The following LMO2 variants were observed in gnomAD, a reference collection of about 807,000 sequenced individuals.
LMO2 encodes LIM domain only 2.
A neutral mutation model predicts 23.2 loss-of-function variants in LMO2; 20 were observed. That is an observed-to-expected ratio of 0.86 (90% CI 0.61 to 1.25). The LOEUF (loss-of-function observed/expected upper bound fraction) is 1.25, where lower values mean the gene tolerates loss of function less well. Among genes scored for constraint, LMO2 ranks in the 50% most tolerant of loss-of-function variants. The pLI is 0.00. For missense variants in LMO2, 270 were observed against 315.3 expected, an observed-to-expected ratio of 0.86 and a Z score of 1.09; for synonymous variants, 123 against 130.2, an observed-to-expected ratio of 0.94 and a Z score of 0.38.
chr11:33,885,396 G>T (rs1857381754), intron 1 of LMO2, among the ~76,000 whole-genome samples: 1 of 152,228 alleles, frequency 6.6e-6, no homozygotes, highest in African/African-American at 2.4e-5. Context: ...CATAGGACAG[G>T]GCAAGACCTA....
intron 3 of LMO2, 58 bp from the exon 4 acceptor site, chr11:33,869,644 G>A: frequency 3.2e-6 from 4 of 1,257,730 alleles, no homozygotes; most frequent in Non-Finnish European, 4.0e-6. Flanking sequence ...CGCGGCCGAG[G>A]CGGGGGCCGG....
intron 2 of LMO2, chr11:33,871,182 T>G (rs1367474023): frequency 3.3e-6 from 1 of 306,012 alleles, no homozygotes; most frequent in East Asian, 1.7e-4. Context: ...CTTGGGTCCC[T>G]AATGGGTATA....
At chr11:33,869,035 G>A (rs534976168) in intron 4 of LMO2, among the ~76,000 whole-genome samples, 1 of 152,248 alleles carries the variant, frequency 6.6e-6, no homozygotes, top group Non-Finnish European at 1.5e-5. Flanking sequence ...GCGCCTCCAG[G>A]CTCTCCTCGT....
chr11:33,886,067 G>A (rs1300445003), intron 1 of LMO2, among the ~76,000 whole-genome samples: 11 of 152,022 alleles, frequency 7.2e-5, no homozygotes, highest in African/African-American at 2.7e-4. Context: ...TAGTAGAGAC[G>A]GGGTTTCACC....
rs146991152 is a variant in LMO2, at chr11:33,868,143, A to T, written c.248+1203T>A. Among the ~76,000 whole-genome samples the T allele has an allele frequency of 3.6e-3, 552 of 152,318 alleles. 3 individuals carry two copies. Among genetic ancestry groups the T allele is most frequent in the African/African-American group, 0.012 (514 of 41,564 alleles). On this transcript the variant is annotated intron_variant, in intron 4 of 5. Coordinates refer to ENST00000257818, the MANE Select transcript of LMO2 (RefSeq NM_005574.4). Reference sequence around the variant, plus strand: ...ACTGAATAGTGATGTTTATATTCTCATTGGATGGTGGTACTTCCTGTGTTT... The same window carrying T: ...ACTGAATAGTGATGTTTATATTCTCTTTGGATGGTGGTACTTCCTGTGTTT...
intron 4 of LMO2, chr11:33,865,298 A>G (rs1856742817): frequency 4.9e-6 from 1 of 202,720 alleles, no homozygotes. Context: ...GAGTGCTAAG[A>G]ATCTGCAAAT....
intron 4 of LMO2, 29 bp downstream of exon 4, chr11:33,869,317 G>A (rs1435848670): frequency 7.6e-5 from 89 of 1,166,876 alleles, no homozygotes; most frequent in Non-Finnish European, 9.4e-5. Flanking sequence ...GGACACCGGG[G>A]GTGGCAGGGG....
chr11:33,861,787 T>C (rs1336518029), intron 5 of LMO2, among the ~76,000 whole-genome samples: 3 of 152,242 alleles, frequency 2.0e-5, no homozygotes, highest in Middle Eastern at 3.4e-3. Flanking sequence ...ATCAGGCAGC[T>C]ATGAAGGGAA....
intron 2 of LMO2, chr11:33,881,586 A>G (rs1857285308): frequency 8.4e-6 from 3 of 359,244 alleles, no homozygotes; most frequent in South Asian, 4.2e-5. Context: ...CTAAAAAATT[A>G]TTATACACAC....
chr11:33,890,006 A>C (rs1436910504), intron 1 of LMO2, among the ~76,000 whole-genome samples: 1 of 152,234 alleles, frequency 6.6e-6, no homozygotes, highest in Non-Finnish European at 1.5e-5. Flanking sequence ...CATGGGTAGA[A>C]CTGGAAGCTG....
rs1565019810 is a variant in LMO2 at position 33,859,535 on chromosome 11, G to A, written c.505C>T (p.Arg169Trp). The A allele has an allele frequency of 6.8e-6, 11 of 1,614,012 alleles. No homozygotes were observed. The highest frequency in any genetic ancestry group is 1.7e-5 in the Admixed American group (1 of 60,006). ...ATTGTCATCTCATAGGCACGAATCC[G>A]CTTGTCACAGGATGCGCAGAGACCG... is the stretch of plus-strand genomic sequence containing the variant. ...QDGLCASCDK[R>W]IRAYEMTMRV... The change falls in exon 6 of 6, where the codon CGG becomes TGG. Residue 169 changes from arginine to tryptophan, a missense_variant. Physicochemically the swap from Arg to Trp is moderately radical, Grantham distance 101. This residue lies in a region of LMO2 where 100 missense variants were observed against 153.3 expected (regional missense o/e 0.65). Transcript: ENST00000257818.
At chr11:33,883,237 T>A (rs1857328864) in intron 1 of LMO2, among the ~76,000 whole-genome samples, 1 of 152,242 alleles carries the variant, frequency 6.6e-6, no homozygotes, top group African/African-American at 2.4e-5. Context: ...ATTTATTAGA[T>A]AAGTTAGTAG....
rs528043945 is a variant in LMO2 at position 33,864,056 on chromosome 11, C to T, written c.464+546G>A. On this transcript the variant is annotated intron_variant, in intron 5 of 5. Transcript: ENST00000257818. The surrounding 1 kb of genome is among the most constrained non-coding windows in gnomAD (Gnocchi z 4.8). ...TGGGACTCAAACCTCCAACTGCCTA[C>T]AGGGCCTTTGCCTTTCTGCTCTTCG... is the stretch of plus-strand genomic sequence containing the variant. Among the ~76,000 whole-genome samples, 1 of 152,226 alleles carries T rather than the reference C, an allele frequency of 6.6e-6. No individual in the cohort carries two copies. Among genetic ancestry groups the T allele is most frequent in the Non-Finnish European group, 1.5e-5 (1 of 68,030 alleles).
At chr11:33,886,212 T>C (rs1857403407) in intron 1 of LMO2, among the ~76,000 whole-genome samples, 1 of 152,124 alleles carries the variant, frequency 6.6e-6, no homozygotes, top group Non-Finnish European at 1.5e-5. Flanking sequence ...CATGGAGATA[T>C]AGGCTGACAT....
intron 4 of LMO2, among the ~76,000 whole-genome samples, chr11:33,865,726 G>T (rs1056021646): frequency 2.6e-5 from 4 of 152,210 alleles, no homozygotes; most frequent in African/African-American, 9.6e-5. Context: ...GCTGTGACAC[G>T]TGTTCTTTCG....
intron 2 of LMO2, among the ~76,000 whole-genome samples, chr11:33,872,535 T>C (rs1857049781): frequency 6.6e-6 from 1 of 152,226 alleles, no homozygotes; most frequent in Non-Finnish European, 1.5e-5. Context: ...ATCATTAAGA[T>C]AATTTTAAAA....
chr11:33,884,906 G>C (rs1055579876), intron 1 of LMO2, among the ~76,000 whole-genome samples: 3 of 152,184 alleles, frequency 2.0e-5, no homozygotes, highest in Non-Finnish European at 2.9e-5. Flanking sequence ...CAGTGCTGCT[G>C]TTTTTTGTGT....
chr11:33,884,520 A>ACTC lies in LMO2; in HGVS notation c.-335-2636_-335-2634dup, dbSNP rs539469757. 2.2e-4 allele frequency among the ~76,000 whole-genome samples: 33 copies of ACTC among 152,174 alleles called. No individual in the cohort carries two copies. In the South Asian group the frequency reaches 6.8e-3, roughly 32 times the overall value. ...ACTCAACTCAATTTCTTCAAAATTC[A>ACTC]CTCCCTAACATTTGGTTCACCATCC... is the stretch of plus-strand genomic sequence containing the variant. On this transcript the variant is annotated intron_variant, in intron 1 of 5. Coordinates refer to ENST00000257818, the MANE Select transcript of LMO2 (RefSeq NM_005574.4).
chr11:33,865,241 A>G (rs1400662548), intron 4 of LMO2: 31 of 268,784 alleles, frequency 1.2e-4, no homozygotes, highest in Non-Finnish European at 1.8e-4. Flanking sequence ...CAAAGGACGC[A>G]CTCTGGACTA....
Sources: allele counts gnomAD v4.1 joint callset (sites outside exome capture counted in the v4.1 genomes callset), GRCh38; gene constraint gnomAD v4.1.1; regional missense constraint gnomAD v4.1.1; non-coding constraint Gnocchi (gnomAD v3.1); transcripts MANE v1.5; gene names NCBI Gene and HGNC (gene_info 2026-07-23, HGNC 2026-07-21).